CDH2: variants seen among roughly 807,000 people sequenced by gnomAD.
CDH2 encodes the protein cadherin 2, also known as cadherin-2.
In CDH2, 17 loss-of-function variants were observed where a neutral mutation model predicts 92.0. The observed-to-expected ratio is 0.18, with a 90% CI of 0.13 to 0.28. CDH2 has a LOEUF of 0.28. Ranked by LOEUF, CDH2 falls within the 10% of genes least tolerant of loss-of-function variation. The probability of loss-of-function intolerance (pLI) is 1.00; values close to 1 mark genes in which losing one functional copy is unlikely to be tolerated. For synonymous variants in CDH2, 419 were observed against 415.9 expected (o/e 1.01, Z -0.09); for missense variants, 862 against 1,133.1 (o/e 0.76, Z 3.44).
intron 2 of CDH2, among the ~76,000 whole-genome samples, chr18:28,110,078 T>G (rs557627411): frequency 6.6e-6 from 1 of 152,286 alleles, no homozygotes; most frequent in African/African-American, 2.4e-5. Flanking sequence ...CCAACACACT[T>G]AGGAGTTTAT....
At chr18:28,024,123 G>C (rs1351685737) in intron 2 of CDH2, among the ~76,000 whole-genome samples, 1 of 152,036 alleles carries the variant, frequency 6.6e-6, no homozygotes, top group Admixed American at 6.6e-5. Context: ...GGCTGTTTTG[G>C]GGTAGACTGC....
intron 2 of CDH2, among the ~76,000 whole-genome samples, chr18:28,122,996 G>A (rs1435757771): frequency 6.6e-6 from 1 of 152,094 alleles, no homozygotes; most frequent in Non-Finnish European, 1.5e-5. Context: ...TGTGAAAAAT[G>A]TTAAGATATG....
chr18:28,161,849 C>G (rs992413118), intron 1 of CDH2, among the ~76,000 whole-genome samples: 1 of 152,230 alleles, frequency 6.6e-6, no homozygotes, highest in Admixed American at 6.5e-5. Context: ...TTAGATAAAA[C>G]GAGTGGGCAT....
intron 1 of CDH2, among the ~76,000 whole-genome samples, chr18:28,171,709 A>G (rs1019312173): frequency 2.6e-5 from 4 of 152,152 alleles, no homozygotes; most frequent in African/African-American, 9.7e-5. Flanking sequence ...TTCGAAAAGG[A>G]GATGTGTTTG....
chr18:27,946,801 G>T (rs1909277723), downstream of CDH2, among the ~76,000 whole-genome samples: 1 of 151,884 alleles, frequency 6.6e-6, no homozygotes, highest in African/African-American at 2.4e-5. Context: ...GACCAAGTAG[G>T]TTTATTCCAG....
chr18:28,102,722 C>T (rs570490513), intron 2 of CDH2, among the ~76,000 whole-genome samples: 2 of 151,898 alleles, frequency 1.3e-5, no homozygotes, highest in Non-Finnish European at 2.9e-5. Flanking sequence ...ATTGAGAGGC[C>T]TTATTTACTT....
chr18:28,144,212 G>A (rs2015999651), intron 2 of CDH2, among the ~76,000 whole-genome samples: 2 of 151,340 alleles, frequency 1.3e-5, no homozygotes, highest in South Asian at 2.1e-4. Context: ...TATGATCTCT[G>A]AGCTCTAATT....
chr18:28,008,366 A>G (rs2013000306), intron 5 of CDH2, among the ~76,000 whole-genome samples: 1 of 152,208 alleles, frequency 6.6e-6, no homozygotes, highest in Admixed American at 6.5e-5. Context: ...CTCCAATGAT[A>G]TTAAAAAATG....
chr18:28,060,476 T>C (rs541173671), intron 2 of CDH2, among the ~76,000 whole-genome samples: 3 of 152,130 alleles, frequency 2.0e-5, no homozygotes, highest in Non-Finnish European at 4.4e-5. Context: ...CATGAGCCAC[T>C]GCGCCTAGCC....
chr18:28,000,276 A>G (rs1042705504), intron 7 of CDH2, among the ~76,000 whole-genome samples: 7 of 151,972 alleles, frequency 4.6e-5, no homozygotes, highest in Admixed American at 4.6e-4. Flanking sequence ...TAATTTTTGT[A>G]TTTTTTGTAG....
chr18:28,010,777 C>T (rs920955770), intron 4 of CDH2, among the ~76,000 whole-genome samples: 5 of 151,554 alleles, frequency 3.3e-5, no homozygotes, highest in African/African-American at 9.7e-5. Flanking sequence ...TCATGCCATT[C>T]TCCTGCCTCA....
chr18:28,038,196 G>A (rs943488578), intron 2 of CDH2, among the ~76,000 whole-genome samples: 1 of 152,144 alleles, frequency 6.6e-6, no homozygotes, highest in African/African-American at 2.4e-5. Flanking sequence ...GGCCAAAGCA[G>A]GCAATTACTT....
chr18:27,980,346 T>C (rs961616432), intron 14 of CDH2, among the ~76,000 whole-genome samples: 1 of 151,986 alleles, frequency 6.6e-6, no homozygotes, highest in Non-Finnish European at 1.5e-5. Context: ...AAAAGGTGGA[T>C]TGGGATGTTA....
intron 9 of CDH2, 119 bp downstream of exon 9, chr18:27,992,536 T>A (rs2012450118): frequency 1.3e-6 from 1 of 762,476 alleles, no homozygotes; most frequent in Non-Finnish European, 2.1e-6. Context: ...CAGACCCACA[T>A]CTGGAGATGT....
intron 1 of CDH2, among the ~76,000 whole-genome samples, chr18:28,160,952 T>A (rs984493173): frequency 2.0e-5 from 3 of 152,230 alleles, no homozygotes; most frequent in Admixed American, 6.5e-5. Flanking sequence ...CCAATGATCC[T>A]TGTCCTTCTT....
chr18:27,985,159 C>T lies in CDH2; in HGVS notation c.2050G>A (p.Asp684Asn). Residue 684 changes from aspartate to asparagine, a missense_variant, in exon 13 of 16, where the codon GAT (aspartate) becomes AAT (asparagine). Asp to Asn is a conservative substitution (Grantham distance 23). This residue lies in a region of CDH2 where 564 missense variants were observed against 722.2 expected (regional missense o/e 0.78). Transcript: ENST00000269141. ...GIYEVPIIIT[D>N]SGNPPKSNIS... ...TTTGATTTGGGAGGATTACCCGAATCTGTGATTATGATGGGAACTTCATAG... is the reference window on the plus strand; with the variant it reads ...TTTGATTTGGGAGGATTACCCGAATTTGTGATTATGATGGGAACTTCATAG... 1 of 1,613,846 alleles carries T rather than the reference C, an allele frequency of 6.2e-7. No individual in the cohort carries two copies. Among genetic ancestry groups the T allele is most frequent in the Admixed American group, 1.7e-5 (1 of 60,016 alleles).
At chr18:28,026,354 T>C (rs1391461552) in intron 2 of CDH2, among the ~76,000 whole-genome samples, 2 of 152,142 alleles carry the variant, frequency 1.3e-5, no homozygotes, top group Non-Finnish European at 2.9e-5. Flanking sequence ...ATCAATAATG[T>C]AAAGGCTATT....
At chr18:28,003,822 G>T (rs1599025841) in intron 6 of CDH2, among the ~76,000 whole-genome samples, 1 of 152,168 alleles carries the variant, frequency 6.6e-6, no homozygotes, top group East Asian at 1.9e-4. Flanking sequence ...AATCTTCAAA[G>T]CCTTTGTATC....
At chr18:28,033,538 TTAAG>T (rs1435259672) in intron 2 of CDH2, among the ~76,000 whole-genome samples, 1 of 151,998 alleles carries the variant, frequency 6.6e-6, no homozygotes, top group Non-Finnish European at 1.5e-5. Context: ...GACAGCAGGA[TTAAG>T]TGTTAAAATT....
Sources: allele counts gnomAD v4.1 joint callset (sites outside exome capture counted in the v4.1 genomes callset), GRCh38; gene constraint gnomAD v4.1.1; regional missense constraint gnomAD v4.1.1; transcripts MANE v1.5; gene names NCBI Gene and HGNC (gene_info 2026-07-23, HGNC 2026-07-21).